Variants in DNAAF10 observed in about 807,000 individuals in gnomAD.
The protein encoded by DNAAF10 is WD repeat domain 92.
In DNAAF10, 28 loss-of-function variants were observed where a neutral mutation model predicts 43.7. That is an observed-to-expected ratio of 0.64 (90% CI 0.48 to 0.88). The LOEUF (loss-of-function observed/expected upper bound fraction) is 0.88. DNAAF10 is among the 40% of genes least tolerant of loss of function. The pLI, the probability that DNAAF10 is intolerant of heterozygous loss-of-function variation, is 0.00. For synonymous variants in DNAAF10, 156 were observed against 157.3 expected (o/e 0.99, Z 0.06); for missense variants, 403 against 439.1 (o/e 0.92, Z 0.73).
rs35521976 is a variant in DNAAF10, at chr2:68,153,745, GTTTTTTTT to G, written c.183+3508_183+3515del. Among the ~76,000 whole-genome samples, 57 of 78,450 alleles carry G rather than the reference GTTTTTTTT, an allele frequency of 7.3e-4. No homozygotes were observed. The East Asian group carries it at 0.022, about 30-fold the overall frequency. The allele number at this position is 78,450 out of a possible 152,430, so 51.5% of individuals were successfully genotyped here. On this transcript the variant is annotated intron_variant, in intron 1 of 7. Coordinates refer to ENST00000295121, the MANE Select transcript of DNAAF10 (RefSeq NM_138458.4). Reference sequence around the variant, plus strand: ...CACCAGAACAGCCAAACACAATGAAGTTTTTTTTTTTTTTTTTTTTTTTTGGAGACAGA... The same window carrying G: ...CACCAGAACAGCCAAACACAATGAAGTTTTTTTTTTTTTTTTGGAGACAGA...
At chr2:68,155,429 G>C (rs563257672) in intron 1 of DNAAF10, among the ~76,000 whole-genome samples, 1 of 151,944 alleles carries the variant, frequency 6.6e-6, no homozygotes, top group South Asian at 2.1e-4. Flanking sequence ...GGGAGGCAGA[G>C]GTTGCAGTTA....
chr2:68,142,852 T>C (rs772051266), intron 3 of DNAAF10, among the ~76,000 whole-genome samples: 33 of 152,254 alleles, frequency 2.2e-4, no homozygotes, highest in Non-Finnish European at 4.1e-4. Flanking sequence ...TCTCCAGGGA[T>C]AAAATAAAGT....
intron 6 of DNAAF10, among the ~76,000 whole-genome samples, chr2:68,136,511 GGA>G (rs1214272499): frequency 6.6e-6 from 1 of 152,126 alleles, no homozygotes; most frequent in Non-Finnish European, 1.5e-5. Flanking sequence ...TGAATCCACA[GGA>G]GAGAGAGAAG....
intron 6 of DNAAF10, among the ~76,000 whole-genome samples, chr2:68,136,832 T>A (rs1673055153): frequency 6.6e-6 from 1 of 152,230 alleles, no homozygotes; most frequent in South Asian, 2.1e-4. Flanking sequence ...AAGTAAATAT[T>A]TTTGAACATT....
At chr2:68,141,643 G>A (rs369716855) in intron 4 of DNAAF10, 51 bp downstream of exon 4, 20 of 1,535,870 alleles carry the variant, frequency 1.3e-5, no homozygotes, top group Middle Eastern at 1.7e-4. Context: ...TTGCAGCATC[G>A]TGCTTTTTAC....
rs149227337 is a variant in DNAAF10, at chr2:68,147,495, C to T, written c.256G>A (p.Gly86Arg). The change falls in exon 2 of 8, where the codon GGA (glycine) becomes AGA (arginine). Residue 86 changes from glycine (G) to arginine (R), a missense_variant. Coordinates refer to ENST00000295121, the MANE Select transcript of DNAAF10 (RefSeq NM_138458.4). ...ATATGAAGGTTTCCACCAAAATCTC[C>T]AGTAGCTAAATATCTCTGCTGTAAA... ...TSLQQRYLATGDFGGNLHIWN... is the reference protein window; with the variant it reads ...TSLQQRYLATRDFGGNLHIWN... The T allele has an allele frequency of 8.1e-6, 13 of 1,611,734 alleles. No homozygotes were observed. Among genetic ancestry groups the T allele is most frequent in the Admixed American group, 1.7e-5 (1 of 59,632 alleles).
intron 6 of DNAAF10, among the ~76,000 whole-genome samples, chr2:68,136,220 G>GAAA (rs1164483365): frequency 3.8e-5 from 2 of 52,638 alleles, no homozygotes; most frequent in African/African-American, 5.8e-5. Context: ...TCTGTCTCCA[G>GAAA]AAAAAAAAAA....
At chr2:68,146,381 T>C (rs1019318983) in intron 2 of DNAAF10, among the ~76,000 whole-genome samples, 2 of 152,240 alleles carry the variant, frequency 1.3e-5, no homozygotes, top group Non-Finnish European at 2.9e-5. Flanking sequence ...ACTGTTTTAC[T>C]ATTTTATAGA....
In DNAAF10 at chr2:68,134,764, C is replaced by G. The variant is rs751039917; in HGVS notation, c.804G>C (p.Leu268=). The change falls in exon 7 of 8, where the codon CTG becomes CTC. Residue 268 remains leucine (L), a synonymous_variant. Coordinates refer to ENST00000295121, the MANE Select transcript of DNAAF10 (RefSeq NM_138458.4). ...HKSTVWQVRH[L]PQNRELFLTA... ...TCAGAAAGAGCTCCCTGTTCTGCGGCAGGTGTCGGACCTGCCACACAGTAG... is the reference window on the plus strand; with the variant it reads ...TCAGAAAGAGCTCCCTGTTCTGCGGGAGGTGTCGGACCTGCCACACAGTAG... 4 of 1,610,138 alleles carry G rather than the reference C, an allele frequency of 2.5e-6. No homozygotes were observed. The highest frequency in any genetic ancestry group is 1.3e-5 in the African/African-American group (1 of 74,706).
intron 6 of DNAAF10, among the ~76,000 whole-genome samples, chr2:68,135,541 G>C (rs537430841): frequency 1.3e-5 from 2 of 152,316 alleles, no homozygotes; most frequent in African/African-American, 2.4e-5. Context: ...ACTTAGGAGA[G>C]AGAGAGAGAC....
intron 3 of DNAAF10, among the ~76,000 whole-genome samples, chr2:68,143,316 T>C (rs949493433): frequency 6.6e-6 from 1 of 152,110 alleles, no homozygotes; most frequent in African/African-American, 2.4e-5. Flanking sequence ...CCTGAGTAGC[T>C]GTGATTACAG....
Position 68,131,149 on chromosome 2 carries a change from A to G in DNAAF10, c.*89T>C. 4 of 1,291,208 alleles carry G rather than the reference A, an allele frequency of 3.1e-6. No homozygotes were observed. The highest frequency in any genetic ancestry group is 1.1e-6 in the Non-Finnish European group (1 of 894,394). 80.0% of individuals were successfully genotyped at this position (1,291,208 alleles called of 1,614,324 possible). On this transcript the variant is annotated 3_prime_UTR_variant, in exon 8 of 8. Coordinates refer to ENST00000295121, the MANE Select transcript of DNAAF10 (RefSeq NM_138458.4). ...TAGCCAGGATGGTCTCGATCTCCTG[A>G]CCTTCTGATCCACCCGCCTCGGCCT...
rs575326373 is a variant in DNAAF10 at position 68,156,950 on chromosome 2, G to A, written c.183+311C>T. 2.6e-5 allele frequency: 11 copies of A among 418,714 alleles called. No individual in the cohort carries two copies. The Admixed American group carries it at 3.3e-4, about 13-fold the overall frequency. 25.9% of individuals were successfully genotyped at this position (418,714 alleles called of 1,614,324 possible). A position where few individuals can be genotyped will look rare whatever the true frequency, so the allele number is the denominator to read the frequency against. On this transcript the variant is annotated intron_variant, in intron 1 of 7. Transcript: ENST00000295121. ...ACCATTCACATCCCTGGGAATACCA[G>A]GCACTCAGCTGATGCCTGTCGAATG...
chr2:68,139,209 C>T lies in DNAAF10; in HGVS notation c.518-352G>A, dbSNP rs4608499. Among the ~76,000 whole-genome samples the T allele has an allele frequency of 2.4e-3, 363 of 152,188 alleles. 2 individuals carry two copies. Among genetic ancestry groups the T allele is most frequent in the African/African-American group, 8.1e-3 (336 of 41,514 alleles). On this transcript the variant is annotated intron_variant, in intron 4 of 7. Transcript: ENST00000295121. ...TGCAGTCCTTATGGTAATGAGTTTT[C>T]GCTCTTCTAGTTCATGTGAGGTCTG...
intron 1 of DNAAF10, among the ~76,000 whole-genome samples, chr2:68,156,101 C>CAA (rs10606309): frequency 5.8e-3 from 340 of 58,300 alleles, no homozygotes; most frequent in Non-Finnish European, 7.8e-3. Context: ...GACCCTGTCT[C>CAA]AAAAAAAAAA....
At chr2:68,144,989 AC>A (rs1449895425) in intron 2 of DNAAF10, among the ~76,000 whole-genome samples, 1 of 152,170 alleles carries the variant, frequency 6.6e-6, no homozygotes, top group East Asian at 1.9e-4. Flanking sequence ...CAAGACCCCC[AC>A]AGATGAATTA....
chr2:68,134,707 C>T lies in DNAAF10; in HGVS notation c.861G>A (p.Trp287Ter), dbSNP rs746766412. 5 of 1,610,046 alleles carry T rather than the reference C, an allele frequency of 3.1e-6. No individual in the cohort carries two copies. The highest frequency in any genetic ancestry group is 2.2e-5 in the East Asian group (1 of 44,730). Reference sequence around the variant, plus strand: ...GTGTGCACTGGCAGACTTACTACTTCCAGAGGTGAAGGCCGCCGGCGCCTC... The same window carrying T: ...GTGTGCACTGGCAGACTTACTACTTTCAGAGGTGAAGGCCGCCGGCGCCTC... ...TAGGAGGLHL[W>*]KYEYPIQRSK... Residue 287 changes from tryptophan to a stop codon, truncating the protein, a stop_gained, in exon 7 of 8, where the codon TGG becomes TGA. Coordinates refer to ENST00000295121, the MANE Select transcript of DNAAF10 (RefSeq NM_138458.4). LOFTEE classifies it high-confidence loss of function.
At chr2:68,149,643 C>T (rs1673407344) in intron 1 of DNAAF10, among the ~76,000 whole-genome samples, 1 of 152,200 alleles carries the variant, frequency 6.6e-6, no homozygotes, top group South Asian at 2.1e-4. Context: ...ATTCCCCTCT[C>T]CTCAAATAAA....
In DNAAF10 at chr2:68,137,471, A is replaced by G. The variant is rs1178925709; in HGVS notation, c.634-38T>C. The G allele has an allele frequency of 1.9e-6, 3 of 1,572,342 alleles. No individual in the cohort carries two copies. In the African/African-American group the frequency reaches 4.1e-5, roughly 22 times the overall value. On this transcript the variant is annotated intron_variant, in intron 5 of 7. Coordinates refer to ENST00000295121, the MANE Select transcript of DNAAF10 (RefSeq NM_138458.4). ...AATACTTATTATTGGTAGTCTCACC[A>G]GTATTACTCAGGAGGCTCTTTTATA...
Sources: allele counts gnomAD v4.1 joint callset (sites outside exome capture counted in the v4.1 genomes callset), GRCh38; gene constraint gnomAD v4.1.1; transcripts MANE v1.5; gene names NCBI Gene and HGNC (gene_info 2026-07-23, HGNC 2026-07-21).